Variants in RABGAP1L observed in about 807,000 individuals in gnomAD.
RABGAP1L encodes the protein rab GTPase-activating protein 1-like.
A neutral mutation model predicts 137.7 loss-of-function variants in RABGAP1L; 63 were observed. The observed-to-expected ratio is 0.46, with a 90% confidence interval of 0.37 to 0.56. The LOEUF (loss-of-function observed/expected upper bound fraction) is 0.56, where lower values mean the gene tolerates loss of function less well. Among genes scored for constraint, RABGAP1L ranks in the 20% least tolerant of loss-of-function variants. The pLI, the probability that RABGAP1L is intolerant of heterozygous loss-of-function variation, is 0.00. For synonymous variants in RABGAP1L, 431 were observed against 433.7 expected (o/e 0.99, Z 0.08); for missense variants, 1,095 against 1,244.0 (o/e 0.88, Z 1.80).
At chr1:174,473,222 C>G (rs1168647143) in intron 13 of RABGAP1L, among the ~76,000 whole-genome samples, 1 of 152,060 alleles carries the variant, frequency 6.6e-6, no homozygotes, top group Non-Finnish European at 1.5e-5. Flanking sequence ...TAATAAATAC[C>G]TAGAGAGCTC....
intron 1 of RABGAP1L, among the ~76,000 whole-genome samples, chr1:174,188,850 T>C (rs1667001959): frequency 6.6e-6 from 1 of 152,196 alleles, no homozygotes; most frequent in Non-Finnish European, 1.5e-5. Context: ...TTTTGCATAA[T>C]TTTTAAGGGC....
chr1:174,914,540 T>C (rs929045692), intron 19 of RABGAP1L, among the ~76,000 whole-genome samples: 1 of 152,164 alleles, frequency 6.6e-6, no homozygotes, highest in Admixed American at 6.5e-5. Context: ...TACCTCTAAA[T>C]GCATACATAT....
chr1:174,919,960 G>A (rs376651645), intron 19 of RABGAP1L, among the ~76,000 whole-genome samples: 13 of 152,186 alleles, frequency 8.5e-5, no homozygotes, highest in African/African-American at 3.1e-4. Context: ...CTTAAAACTG[G>A]CATTTATTGG....
chr1:174,551,025 T>TAC (rs752146297), intron 13 of RABGAP1L, among the ~76,000 whole-genome samples: 7 of 117,834 alleles, frequency 5.9e-5, no homozygotes, highest in East Asian at 3.0e-4. Flanking sequence ...TATATATACA[T>TAC]ACACACACAC....
At chr1:174,293,131 CT>C (rs1219218605) in intron 10 of RABGAP1L, among the ~76,000 whole-genome samples, 3 of 151,390 alleles carry the variant, frequency 2.0e-5, no homozygotes, top group Non-Finnish European at 4.4e-5. Context: ...TTCCTGAAAA[CT>C]TTTTTTCATG....
intron 11 of RABGAP1L, among the ~76,000 whole-genome samples, chr1:174,316,449 A>T (rs1350576329): frequency 6.6e-6 from 1 of 152,174 alleles, no homozygotes; most frequent in Admixed American, 6.5e-5. Flanking sequence ...TTTAGGGGCA[A>T]GCTCCTCAAG....
intron 13 of RABGAP1L, among the ~76,000 whole-genome samples, chr1:174,441,954 C>G (rs1571831976): frequency 6.6e-6 from 1 of 150,872 alleles, no homozygotes; most frequent in Admixed American, 6.6e-5. Flanking sequence ...GTGCAATTAT[C>G]AATTATTTAT....
intron 19 of RABGAP1L, among the ~76,000 whole-genome samples, chr1:174,935,663 A>G (rs1265390457): frequency 6.6e-6 from 1 of 152,144 alleles, no homozygotes; most frequent in Admixed American, 6.5e-5. Flanking sequence ...CTGATTGTCA[A>G]TATATGCCCA....
chr1:174,605,152 AAAAC>A lies in RABGAP1L; in HGVS notation c.1711-32198_1711-32195del, dbSNP rs59164898. ...TGAGACCCTGTCTCAAAACCAAACC[AAAAC>A]AAACAAACAAACAAACAAACAAACG... is the stretch of plus-strand genomic sequence containing the variant. On this transcript the variant is annotated intron_variant, in intron 13 of 25. Coordinates refer to ENST00000681986, the MANE Select transcript of RABGAP1L (RefSeq NM_001366446.1). Among the ~76,000 whole-genome samples, 173 of 151,774 alleles carry A rather than the reference AAAAC, an allele frequency of 1.1e-3. 1 individual carries two copies. The highest frequency in any genetic ancestry group is 3.9e-3 in the South Asian group (19 of 4,812).
At chr1:174,250,776 T>TG in intron 6 of RABGAP1L, 144 bp downstream of exon 6, 1 of 749,394 alleles carries the variant, frequency 1.3e-6, no homozygotes, top group Non-Finnish European at 2.0e-6. Flanking sequence ...TTTTTATTCT[T>TG]GTGCTTGTCA....
intron 11 of RABGAP1L, among the ~76,000 whole-genome samples, chr1:174,327,997 A>ATATATATG (rs1680671765): frequency 1.0e-5 from 1 of 97,072 alleles, no homozygotes; most frequent in African/African-American, 5.0e-5. Context: ...ATATATATAT[A>ATATATATG]TATATATATA....
At chr1:174,386,474 G>GGTGT (rs370769823) in intron 12 of RABGAP1L, among the ~76,000 whole-genome samples, 5 of 150,044 alleles carry the variant, frequency 3.3e-5, no homozygotes, top group Admixed American at 1.3e-4. Context: ...GCCAGAACAG[G>GGTGT]GTGTGTGTGT....
intron 19 of RABGAP1L, among the ~76,000 whole-genome samples, chr1:174,956,395 A>G (rs1200252265): frequency 1.3e-5 from 2 of 152,154 alleles, no homozygotes; most frequent in South Asian, 2.1e-4. Context: ...GAGGGCTTTT[A>G]TACTACGCTG....
At chr1:174,275,765 A>G (rs1465075952) in intron 8 of RABGAP1L, 68 bp from the exon 9 acceptor site, 22 of 1,149,812 alleles carry the variant, frequency 1.9e-5, no homozygotes, top group Non-Finnish European at 2.7e-5. Context: ...TGCTTAAAGT[A>G]AGATGTAATT....
chr1:174,496,773 G>A (rs1183783017), intron 13 of RABGAP1L, among the ~76,000 whole-genome samples: 2 of 152,144 alleles, frequency 1.3e-5, no homozygotes, highest in Non-Finnish European at 2.9e-5. Flanking sequence ...AGAGAGAGTA[G>A]AGAGATTCCT....
chr1:174,274,116 C>T (rs1674775194), intron 8 of RABGAP1L, among the ~76,000 whole-genome samples: 1 of 152,052 alleles, frequency 6.6e-6, no homozygotes, highest in South Asian at 2.1e-4. Flanking sequence ...TTATAATCAC[C>T]TGAAATCATA....
chr1:174,214,735 G>C (rs1669154556), intron 1 of RABGAP1L, among the ~76,000 whole-genome samples: 1 of 152,044 alleles, frequency 6.6e-6, no homozygotes, highest in African/African-American at 2.4e-5. Flanking sequence ...ATAACACTGG[G>C]GAAAGGACAG....
chr1:174,887,161 C>T (rs1413896365), intron 19 of RABGAP1L, among the ~76,000 whole-genome samples: 11 of 152,162 alleles, frequency 7.2e-5, no homozygotes, highest in Non-Finnish European at 1.5e-5. Flanking sequence ...AGGCCACTTC[C>T]AACATCCTGG....
chr1:174,675,860 A>T (rs1244855323), intron 14 of RABGAP1L, among the ~76,000 whole-genome samples: 1 of 152,176 alleles, frequency 6.6e-6, no homozygotes, highest in Non-Finnish European at 1.5e-5. Context: ...TGAAAGAAGC[A>T]TATTGTCATT....
Sources: gnomAD v4.1 joint callset for allele counts (sites outside exome capture counted in the v4.1 genomes callset) on GRCh38, gnomAD v4.1.1 for gene constraint, MANE v1.5 for transcripts, NCBI Gene and HGNC (gene_info 2026-07-23, HGNC 2026-07-21) for gene names.